OSBPL3: variants seen among roughly 807,000 people sequenced by gnomAD.
The protein encoded by OSBPL3 is oxysterol binding protein like 3.
OSBPL3 carries 65 observed loss-of-function variants against 120.1 expected under a neutral mutation model. The ratio of observed to expected loss-of-function variants is 0.54; its 90% CI spans 0.44 to 0.67. OSBPL3 has a LOEUF of 0.67. Among genes scored for constraint, OSBPL3 ranks in the 30% least tolerant of loss-of-function variants. The pLI is 0.00. For missense variants in OSBPL3, 1,004 were observed against 1,082.1 expected (o/e 0.93, Z 1.01); for synonymous variants, 416 against 402.6 (o/e 1.03, Z -0.40).
chr7:24,886,328 C>T (rs1011658250), intron 2 of OSBPL3, among the ~76,000 whole-genome samples: 1 of 152,230 alleles, frequency 6.6e-6, no homozygotes, highest in African/African-American at 2.4e-5. Flanking sequence ...TGCGTCTTTA[C>T]TTTTGTTCCA....
At chr7:24,814,780 G>A (rs1794265359) in intron 19 of OSBPL3, among the ~76,000 whole-genome samples, 1 of 152,162 alleles carries the variant, frequency 6.6e-6, no homozygotes, top group Non-Finnish European at 1.5e-5. Flanking sequence ...TCAACATAAT[G>A]CTGTCAAGGT....
intron 16 of OSBPL3, among the ~76,000 whole-genome samples, chr7:24,823,712 A>G (rs913105995): frequency 2.6e-5 from 4 of 152,234 alleles, no homozygotes; most frequent in African/African-American, 9.6e-5. Flanking sequence ...CTCTGATTCT[A>G]ACATCTGCTG....
In OSBPL3 at chr7:24,933,287, T is replaced by G. The variant is rs1812011208; in HGVS notation, c.-149-40666A>C. Among the ~76,000 whole-genome samples, 1 of 152,170 alleles carries G rather than the reference T, an allele frequency of 6.6e-6. No homozygotes were observed. Among genetic ancestry groups the G allele is most frequent in the Admixed American group, 6.5e-5 (1 of 15,280 alleles). ...GCAGTCAAATAAGAGGCATTTCAGC[T>G]TGACAATTTAGTAACACTGCTCTAG... On this transcript the variant is annotated intron_variant, in intron 1 of 22. Transcript: ENST00000313367. This position sits in a 1 kb window ranked among gnomAD's most constrained non-coding sequence, Gnocchi z 5.1.
chr7:24,810,111 A>C, intron 19 of OSBPL3, 160 bp from the exon 20 acceptor site: 4 of 658,982 alleles, frequency 6.1e-6, no homozygotes, highest in Non-Finnish European at 7.9e-6. Flanking sequence ...CCGACAAATA[A>C]AAAATTTATA....
chr7:24,972,806 C>T lies in OSBPL3; in HGVS notation c.-150+7080G>A, dbSNP rs1817176433. Reference sequence around the variant, plus strand: ...CTTCTAAACATTTCAGATGACTGTCCACCACAAATTACTTGGGGAGGGAGA... The same window carrying T: ...CTTCTAAACATTTCAGATGACTGTCTACCACAAATTACTTGGGGAGGGAGA... On this transcript the variant is annotated intron_variant, in intron 1 of 22. Coordinates refer to ENST00000313367, the MANE Select transcript of OSBPL3 (RefSeq NM_015550.4). The surrounding 1 kb of genome is among the most constrained non-coding windows in gnomAD (Gnocchi z 4.3). Among the ~76,000 whole-genome samples the T allele has an allele frequency of 6.6e-6, 1 of 151,992 alleles. No homozygotes were observed. Among genetic ancestry groups the T allele is most frequent in the Non-Finnish European group, 1.5e-5 (1 of 67,998 alleles).
intron 1 of OSBPL3, among the ~76,000 whole-genome samples, chr7:24,954,268 G>A (rs573580190): frequency 6.6e-6 from 1 of 152,122 alleles, no homozygotes; most frequent in Non-Finnish European, 1.5e-5. Flanking sequence ...TAGACGTGAA[G>A]TTATTTATTC....
chr7:24,863,077 G>C lies in OSBPL3; in HGVS notation c.870+123C>G, dbSNP rs1800804042. 9.9e-6 allele frequency: 7 copies of C among 708,818 alleles called. No homozygotes were observed. The highest frequency in any genetic ancestry group is 1.3e-5 in the Non-Finnish European group (5 of 392,438). The allele number at this position is 708,818 out of a possible 1,614,324, so 43.9% of individuals were successfully genotyped here. On this transcript the variant is annotated intron_variant, in intron 9 of 22. Coordinates refer to ENST00000313367, the MANE Select transcript of OSBPL3 (RefSeq NM_015550.4). This position sits in a 1 kb window ranked among gnomAD's most constrained non-coding sequence, Gnocchi z 5.8. ...ATTCATCTCGCTACAGAGGACACTG[G>C]AAAGAACAACTACAGAATATTCACT...
Position 24,818,314 on chromosome 7 carries a change from T to C in OSBPL3, c.1949-1626A>G, listed in dbSNP as rs1380933881. On this transcript the variant is annotated intron_variant, in intron 17 of 22. Coordinates refer to ENST00000313367, the MANE Select transcript of OSBPL3 (RefSeq NM_015550.4). This position sits in a 1 kb window ranked among gnomAD's most constrained non-coding sequence, Gnocchi z 4.0. ...CACTTTACACGGGTGAATGATATGGTATATAAGTTATATGTTCATAAAATT... is the reference window on the plus strand; with the variant it reads ...CACTTTACACGGGTGAATGATATGGCATATAAGTTATATGTTCATAAAATT... 1.3e-5 allele frequency among the ~76,000 whole-genome samples: 2 copies of C among 152,128 alleles called. No homozygotes were observed. The highest frequency in any genetic ancestry group is 4.8e-5 in the African/African-American group (2 of 41,422).
rs190284278 is a variant in OSBPL3 at position 24,831,920 on chromosome 7, G to A, written c.1747-1015C>T. ...TGGCTTATAAAAATCAGCTATACTCGGCTGGGTGCAGTGGCTCACGCCTGT... is the reference window on the plus strand; with the variant it reads ...TGGCTTATAAAAATCAGCTATACTCAGCTGGGTGCAGTGGCTCACGCCTGT... On this transcript the variant is annotated intron_variant, in intron 15 of 22. Transcript: ENST00000313367. This position sits in a 1 kb window ranked among gnomAD's most constrained non-coding sequence, Gnocchi z 4.0. Among the ~76,000 whole-genome samples, 3 of 152,230 alleles carry A rather than the reference G, an allele frequency of 2.0e-5. No individual in the cohort carries two copies. Among genetic ancestry groups the A allele is most frequent in the East Asian group, 1.9e-4 (1 of 5,182 alleles).
At position 24,881,946 on chromosome 7, in the gene OSBPL3, C is replaced by T. The variant is rs527796623; in HGVS notation, c.97-9877G>A. Among the ~76,000 whole-genome samples, 27 of 152,264 alleles carry T rather than the reference C, an allele frequency of 1.8e-4. No individual in the cohort carries two copies. Among genetic ancestry groups the T allele is most frequent in the Non-Finnish European group, 3.4e-4 (23 of 68,030 alleles). ...TCCTCTATGTCTGTCTTCTCCCGAA[C>T]GTGTTTCTTATAAGGACATTTGTCA... On this transcript the variant is annotated intron_variant, in intron 2 of 22. Coordinates refer to ENST00000313367, the MANE Select transcript of OSBPL3 (RefSeq NM_015550.4). This position sits in a 1 kb window ranked among gnomAD's most constrained non-coding sequence, Gnocchi z 4.3.
In OSBPL3 at chr7:24,852,767, A is replaced by C; in HGVS notation, c.1028-133T>G. 1 of 610,538 alleles carries C rather than the reference A, an allele frequency of 1.6e-6. No individual in the cohort carries two copies. The highest frequency in any genetic ancestry group is 2.5e-5 in the South Asian group (1 of 40,012). The allele number at this position is 610,538 out of a possible 1,614,324, so 37.8% of individuals were successfully genotyped here. A position where few individuals can be genotyped will look rare whatever the true frequency, so the allele number is the denominator to read the frequency against. ...AATATTTTGAGTATAGCAAATGTAC[A>C]TTCTACCTTGACTTTTAAAAAACAC... is the stretch of plus-strand genomic sequence containing the variant. On this transcript the variant is annotated intron_variant, in intron 10 of 22. Coordinates refer to ENST00000313367, the MANE Select transcript of OSBPL3 (RefSeq NM_015550.4). This position sits in a 1 kb window ranked among gnomAD's most constrained non-coding sequence, Gnocchi z 4.1.
chr7:24,812,302 CTCAAA>C (rs1562760909), intron 19 of OSBPL3, among the ~76,000 whole-genome samples: 1 of 55,826 alleles, frequency 1.8e-5, no homozygotes. Context: ...GAGACTCCAT[CTCAAA>C]AAAAAAAAAA....
At chr7:24,943,106 T>G (rs571976294) in intron 1 of OSBPL3, among the ~76,000 whole-genome samples, 55 of 152,180 alleles carry the variant, frequency 3.6e-4, no homozygotes, top group African/African-American at 1.3e-3. Flanking sequence ...ATCAGAAAGT[T>G]TTCCCACATT....
Position 24,894,498 on chromosome 7 carries a change from T to A in OSBPL3, c.-149-1877A>T, listed in dbSNP as rs1048663701. On this transcript the variant is annotated intron_variant, in intron 1 of 22. Transcript: ENST00000313367. This position sits in a 1 kb window ranked among gnomAD's most constrained non-coding sequence, Gnocchi z 4.1. ...AAAAGCAGTGTTGGCTGTTGCTGTTTGAGAAAGAAAAAAAAAAAATCAAAA... is the reference window on the plus strand; with the variant it reads ...AAAAGCAGTGTTGGCTGTTGCTGTTAGAGAAAGAAAAAAAAAAAATCAAAA... Among the ~76,000 whole-genome samples, 20 of 51,708 alleles carry A rather than the reference T, an allele frequency of 3.9e-4. No homozygotes were observed. The highest frequency in any genetic ancestry group is 6.3e-4 in the Non-Finnish European group (16 of 25,266). The allele number at this position is 51,708 out of a possible 152,430, so 33.9% of individuals were successfully genotyped here.
chr7:24,945,149 C>G (rs1584699658), intron 1 of OSBPL3, among the ~76,000 whole-genome samples: 2 of 151,888 alleles, frequency 1.3e-5, no homozygotes, highest in African/African-American at 2.4e-5. Flanking sequence ...AAAAGAAAAA[C>G]ACTTCATTTC....
rs1377922249 is a variant in OSBPL3 at position 24,813,060 on chromosome 7, G to A, written c.2172+1999C>T. On this transcript the variant is annotated intron_variant, in intron 19 of 22. Transcript: ENST00000313367. This position sits in a 1 kb window ranked among gnomAD's most constrained non-coding sequence, Gnocchi z 4.5. The stretch of plus-strand genomic sequence containing the variant: ...TGTCTGGCTAATTTTTAAATTTGTT[G>A]TAGAGATAGGGTCTTGTCAGATTGC... Among the ~76,000 whole-genome samples, 3 of 152,114 alleles carry A rather than the reference G, an allele frequency of 2.0e-5. No individual in the cohort carries two copies. The highest frequency in any genetic ancestry group is 7.2e-5 in the African/African-American group (3 of 41,418).
In OSBPL3 at chr7:24,830,830, C is replaced by A. The variant is rs1796276871; in HGVS notation, c.1822G>T (p.Val608Phe). 1.2e-6 allele frequency: 2 copies of A among 1,613,970 alleles called. No individual in the cohort carries two copies. Among genetic ancestry groups the A allele is most frequent in the African/African-American group, 2.7e-5 (2 of 74,902 alleles). The change falls in exon 16 of 23, where the codon GTT (valine) becomes TTT (phenylalanine). Residue 608 changes from valine (V) to phenylalanine (F), a missense_variant. Coordinates refer to ENST00000313367, the MANE Select transcript of OSBPL3 (RefSeq NM_015550.4). The surrounding 1 kb of genome is among the most constrained non-coding windows in gnomAD (Gnocchi z 4.4). Reference sequence around the variant, plus strand: ...ATACATTCATATGTTTCTCCAAGAACCGGATTAAATGGCTTGCTTCCAGCT... The same window carrying A: ...ATACATTCATATGTTTCTCCAAGAAACGGATTAAATGGCTTGCTTCCAGCT... ...YRAGSKPFNP[V>F]LGETYECIRE...
At position 24,833,181 on chromosome 7, in the gene OSBPL3, T is replaced by TCCTAC. The variant is rs1416409308; in HGVS notation, c.1746+1300_1746+1304dup. ...TTAAAAAATACAGCTTGTTTTTGTC[T>TCCTAC]CCTACCCTGATTATCAGTAACAAGA... On this transcript the variant is annotated intron_variant, in intron 15 of 22. Coordinates refer to ENST00000313367, the MANE Select transcript of OSBPL3 (RefSeq NM_015550.4). This position sits in a 1 kb window ranked among gnomAD's most constrained non-coding sequence, Gnocchi z 4.4. Among the ~76,000 whole-genome samples, 16 of 152,314 alleles carry TCCTAC rather than the reference T, an allele frequency of 1.1e-4. No homozygotes were observed. Among genetic ancestry groups the TCCTAC allele is most frequent in the Middle Eastern group, 3.4e-3 (1 of 294 alleles).
chr7:24,970,263 T>G (rs1187371895), intron 1 of OSBPL3, among the ~76,000 whole-genome samples: 3 of 152,058 alleles, frequency 2.0e-5, no homozygotes, highest in African/African-American at 7.2e-5. Flanking sequence ...CCCACCATCA[T>G]GCCCAGCTAA....
Sources: gnomAD v4.1 joint callset for allele counts (sites outside exome capture counted in the v4.1 genomes callset) on GRCh38, gnomAD v4.1.1 for gene constraint, Gnocchi (gnomAD v3.1) non-coding constraint, MANE v1.5 for transcripts, NCBI Gene and HGNC (gene_info 2026-07-23, HGNC 2026-07-21) for gene names.